The following PIP5K1A variants were observed in gnomAD, a reference collection of about 807,000 sequenced individuals.
The protein encoded by PIP5K1A is phosphatidylinositol 4-phosphate 5-kinase type-1 alpha.
Under a neutral mutation model 72.9 loss-of-function variants are expected in PIP5K1A, and 46 were observed. That is an observed-to-expected ratio of 0.63 (90% CI 0.50 to 0.81). The LOEUF (loss-of-function observed/expected upper bound fraction) is 0.81, where lower values mean the gene tolerates loss of function less well. PIP5K1A is among the 30% of genes least tolerant of loss of function. The probability of loss-of-function intolerance (pLI) is 0.00; values close to 1 mark genes in which losing one functional copy is unlikely to be tolerated. For synonymous variants in PIP5K1A, 228 were observed against 255.1 expected, an observed-to-expected ratio of 0.89 and a Z score of 1.01; for missense variants, 458 against 706.1, an observed-to-expected ratio of 0.65 and a Z score of 3.98.
chr1:151,196,140 G>A (rs943559105), upstream of PIP5K1A, among the ~76,000 whole-genome samples: 4 of 151,910 alleles, frequency 2.6e-5, no homozygotes, highest in East Asian at 1.9e-4. Context: ...CTCGTGATCC[G>A]CCCGCCTCGG....
chr1:151,232,188 G>A lies in PIP5K1A; in HGVS notation c.369-60G>A, dbSNP rs147958269. On this transcript the variant is annotated intron_variant, in intron 5 of 15. Coordinates refer to ENST00000368888, the MANE Select transcript of PIP5K1A (RefSeq NM_001135638.2). The stretch of plus-strand genomic sequence containing the variant: ...GAGGTGACTCTGAGTGTCTTCGCAA[G>A]GTAGATTCTCTGGATGATAGGGACT... The A allele has an allele frequency of 5.8e-4, 649 of 1,128,426 alleles. 2 individuals carry two copies. The African/African-American group carries it at 9.2e-3, about 16-fold the overall frequency. 69.9% of individuals were successfully genotyped at this position (1,128,426 alleles called of 1,614,324 possible).
intron 1 of PIP5K1A, among the ~76,000 whole-genome samples, chr1:151,212,630 AGTG>A (rs1441490438): frequency 6.6e-6 from 1 of 151,768 alleles, no homozygotes; most frequent in East Asian, 1.9e-4. Context: ...GCTGGAGTAC[AGTG>A]GCATGATCTC....
In PIP5K1A at chr1:151,199,053, C is replaced by G. The variant is rs377395543; in HGVS notation, c.57C>G (p.Pro19=). ...SSSVGFSSFD[P]AVPSCTLSSA... is the part of the protein sequence containing the mutation. ...CGGTCGGTTTTTCATCCTTTGATCC[C>G]GCGGTCCCTTCCTGTACCTTGTCCT... is the stretch of plus-strand genomic sequence containing the variant. Residue 19 remains proline, a synonymous_variant, in exon 1 of 16, where the codon CCC becomes CCG. Transcript: ENST00000368888. 6.2e-7 allele frequency: 1 copy of G among 1,614,178 alleles called. No homozygotes were observed. The highest frequency in any genetic ancestry group is 8.5e-7 in the Non-Finnish European group (1 of 1,180,048).
At chr1:151,212,078 C>G (rs1686903345) in intron 1 of PIP5K1A, among the ~76,000 whole-genome samples, 1 of 151,878 alleles carries the variant, frequency 6.6e-6, no homozygotes, top group South Asian at 2.1e-4. Context: ...CGACGCTGCA[C>G]TCCATCCTGG....
At chr1:151,201,839 G>A (rs587729536) in intron 1 of PIP5K1A, among the ~76,000 whole-genome samples, 5 of 152,138 alleles carry the variant, frequency 3.3e-5, no homozygotes, top group Non-Finnish European at 7.4e-5. Context: ...TCCAGTCTGG[G>A]TGACAGAGCA....
Position 151,242,255 on chromosome 1 carries a change from C to A in PIP5K1A, c.1496C>A (p.Ala499Glu), listed in dbSNP as rs779584257. ...GEHKAQVTTK[A>E]EVEPGVHLGR... ...CACAAGGCACAAGTGACAACAAAGG[C>A]AGAAGTGGAGCCAGGTCAGCGCTAG... The change falls in exon 13 of 16, where the codon GCA becomes GAA. Residue 499 changes from alanine (A) to glutamate (E), a missense_variant. Ala to Glu is a moderately radical substitution (Grantham distance 107). Coordinates refer to ENST00000368888, the MANE Select transcript of PIP5K1A (RefSeq NM_001135638.2). The A allele has an allele frequency of 7.0e-5, 113 of 1,614,030 alleles. 2 individuals carry two copies. In the South Asian group the frequency reaches 1.1e-3, roughly 16 times the overall value.
chr1:151,222,487 A>G (rs1043738005), intron 1 of PIP5K1A, among the ~76,000 whole-genome samples: 14 of 152,212 alleles, frequency 9.2e-5, no homozygotes, highest in African/African-American at 3.1e-4. Flanking sequence ...GGGAGTAGAA[A>G]GTTTCAGAGC....
At chr1:151,212,464 C>T (rs1477145504) in intron 1 of PIP5K1A, among the ~76,000 whole-genome samples, 1 of 152,192 alleles carries the variant, frequency 6.6e-6, no homozygotes, top group African/African-American at 2.4e-5. Context: ...CCCAGTACCT[C>T]TTCACCACAA....
At chr1:151,207,704 G>C (rs1034392963) in intron 1 of PIP5K1A, among the ~76,000 whole-genome samples, 1 of 151,350 alleles carries the variant, frequency 6.6e-6, no homozygotes, top group Non-Finnish European at 1.5e-5. Context: ...GCTAATTTTT[G>C]TATTTTTAGC....
chr1:151,246,697 A>G (rs1692558235), intron 14 of PIP5K1A, among the ~76,000 whole-genome samples: 1 of 152,172 alleles, frequency 6.6e-6, no homozygotes, highest in Admixed American at 6.5e-5. Context: ...GAAACAGAAG[A>G]GGGCAGGGTA....
At chr1:151,239,445 G>A (rs953823525) in intron 11 of PIP5K1A, among the ~76,000 whole-genome samples, 2 of 151,672 alleles carry the variant, frequency 1.3e-5, no homozygotes, top group Admixed American at 6.6e-5. Flanking sequence ...GCTAATTTTT[G>A]TATTTTTAGT....
chr1:151,211,771 A>C (rs1329687420), intron 1 of PIP5K1A, among the ~76,000 whole-genome samples: 12 of 147,376 alleles, frequency 8.1e-5, no homozygotes, highest in African/African-American at 2.5e-4. Context: ...GTGCCACTGC[A>C]CTCCAGCCTG....
upstream of PIP5K1A, among the ~76,000 whole-genome samples, chr1:151,196,124 C>G (rs1051866274): frequency 6.6e-6 from 1 of 151,910 alleles, no homozygotes. Context: ...GTCTCGATCT[C>G]CTGACCTCGT....
chr1:151,207,223 C>G (rs1686064241), intron 1 of PIP5K1A, among the ~76,000 whole-genome samples: 1 of 152,122 alleles, frequency 6.6e-6, no homozygotes, highest in African/African-American at 2.4e-5. Flanking sequence ...AAGATAGAAC[C>G]AGATTTGGAA....
intron 12 of PIP5K1A, among the ~76,000 whole-genome samples, chr1:151,241,630 G>A (rs747553759): frequency 2.9e-4 from 44 of 151,952 alleles, no homozygotes; most frequent in Non-Finnish European, 5.0e-4. Context: ...GTGAAACCCC[G>A]TCTCTACTAA....
chr1:151,224,741 G>A (rs587626648), intron 3 of PIP5K1A, among the ~76,000 whole-genome samples: 8 of 152,242 alleles, frequency 5.3e-5, no homozygotes, highest in East Asian at 3.9e-4. Context: ...GCATACCTTC[G>A]ATGAATATGA....
chr1:151,223,118 C>T (rs375981762), intron 1 of PIP5K1A, among the ~76,000 whole-genome samples: 10 of 150,084 alleles, frequency 6.7e-5, no homozygotes, highest in South Asian at 2.1e-4. Context: ...TGGGAGGCCG[C>T]GGTGGGTGGA....
chr1:151,234,998 C>T (rs587752070), intron 8 of PIP5K1A, among the ~76,000 whole-genome samples: 1 of 152,220 alleles, frequency 6.6e-6, no homozygotes, highest in Non-Finnish European at 1.5e-5. Context: ...AGCTTTGTTT[C>T]TCAACAAGCT....
Position 151,199,120 on chromosome 1 carries a change from A to G in PIP5K1A, c.85+39A>G, listed in dbSNP as rs755258651. On this transcript the variant is annotated intron_variant, in intron 1 of 15. Transcript: ENST00000368888. The stretch of plus-strand genomic sequence containing the variant: ...GGCGTGGGTAGGGAGCTGGTGAGGA[A>G]TATGCGATGGGAGGAAGAGCGAGAC... 7 of 1,613,402 alleles carry G rather than the reference A, an allele frequency of 4.3e-6. No individual in the cohort carries two copies. The East Asian group carries it at 8.9e-5, about 21-fold the overall frequency.
Sources: gnomAD v4.1 joint callset for allele counts (sites outside exome capture counted in the v4.1 genomes callset) on GRCh38, gnomAD v4.1.1 for gene constraint, MANE v1.5 for transcripts, NCBI Gene and HGNC (gene_info 2026-07-23, HGNC 2026-07-21) for gene names.